Variants in MAN2A1 observed in about 807,000 individuals in gnomAD.
MAN2A1 encodes the protein mannosidase alpha class 2A member 1, also known as alpha-mannosidase 2.
In MAN2A1, 76 loss-of-function variants were observed where a neutral mutation model predicts 142.6. The observed-to-expected ratio is 0.53, with a 90% confidence interval of 0.44 to 0.65. MAN2A1 has a LOEUF of 0.65. Ranked by LOEUF, MAN2A1 falls within the 30% of genes least tolerant of loss-of-function variation. The pLI, the probability that MAN2A1 is intolerant of heterozygous loss-of-function variation, is 0.00. For synonymous variants in MAN2A1, 559 were observed against 473.2 expected (o/e 1.18, Z -2.35); for missense variants, 1,311 against 1,365.1 (o/e 0.96, Z 0.62).
chr5:109,710,260 C>A (rs559942831), intron 1 of MAN2A1, among the ~76,000 whole-genome samples: 141 of 152,164 alleles, frequency 9.3e-4, no homozygotes, highest in African/African-American at 3.1e-3. Flanking sequence ...GAACTAACTC[C>A]TCTAGCTAAT....
chr5:109,789,266 T>A (rs947938214), intron 11 of MAN2A1, among the ~76,000 whole-genome samples, 194 bp from the exon 12 acceptor site: 7 of 151,854 alleles, frequency 4.6e-5, no homozygotes, highest in African/African-American at 1.7e-4. Flanking sequence ...AGAATACTAT[T>A]AAGATGTTAG....
Position 109,762,863 on chromosome 5 carries a change from T to G in MAN2A1, c.836-4672T>G, listed in dbSNP as rs1320863270. ...AACAAATGCAGCTTAAAGATTGAATTGGCTTTATTAAGCAATTCATGAACA... is the reference window on the plus strand; with the variant it reads ...AACAAATGCAGCTTAAAGATTGAATGGGCTTTATTAAGCAATTCATGAACA... On this transcript the variant is annotated intron_variant, in intron 5 of 21. Transcript: ENST00000261483. Among the ~76,000 whole-genome samples, 3 of 152,210 alleles carry G rather than the reference T, an allele frequency of 2.0e-5. No homozygotes were observed. In the East Asian group the frequency reaches 5.8e-4, roughly 29 times the overall value.
intron 21 of MAN2A1, among the ~76,000 whole-genome samples, chr5:109,866,471 A>C (rs1755886440): frequency 6.6e-6 from 1 of 152,088 alleles, no homozygotes; most frequent in Non-Finnish European, 1.5e-5. Flanking sequence ...GATGTTTTTA[A>C]AGCTTCTTGG....
At chr5:109,809,113 A>G (rs1754252007) in intron 12 of MAN2A1, among the ~76,000 whole-genome samples, 1 of 152,178 alleles carries the variant, frequency 6.6e-6, no homozygotes, top group Middle Eastern at 3.2e-3. Context: ...TAAGAAATGT[A>G]TAAAGTATGA....
At chr5:109,697,477 G>T (rs968209438) in intron 1 of MAN2A1, among the ~76,000 whole-genome samples, 3 of 152,188 alleles carry the variant, frequency 2.0e-5, no homozygotes, top group Non-Finnish European at 4.4e-5. Context: ...AAGGCCTCTG[G>T]TTTTGAACTC....
intron 2 of MAN2A1, among the ~76,000 whole-genome samples, chr5:109,714,505 G>A (rs1326461920): frequency 6.6e-6 from 1 of 152,102 alleles, no homozygotes; most frequent in Non-Finnish European, 1.5e-5. Context: ...CTTGGACAGC[G>A]CTATTATAGA....
chr5:109,780,143 G>A (rs913564383), intron 8 of MAN2A1, among the ~76,000 whole-genome samples: 5 of 151,874 alleles, frequency 3.3e-5, no homozygotes, highest in African/African-American at 4.8e-5. Flanking sequence ...CTGCAAGGTC[G>A]GCCTCCTGGG....
At chr5:109,844,302 T>C (rs1755292168) in intron 17 of MAN2A1, among the ~76,000 whole-genome samples, 1 of 152,240 alleles carries the variant, frequency 6.6e-6, no homozygotes, top group South Asian at 2.1e-4. Flanking sequence ...TGACCATTTT[T>C]TAAGCTTTGG....
chr5:109,797,932 A>G (rs1753907339), intron 12 of MAN2A1, among the ~76,000 whole-genome samples: 1 of 152,206 alleles, frequency 6.6e-6, no homozygotes, highest in Admixed American at 6.5e-5. Flanking sequence ...ACATTTTCAG[A>G]TATGAAAACA....
At chr5:109,700,112 TTCTG>T (rs1441266634) in intron 1 of MAN2A1, among the ~76,000 whole-genome samples, 6 of 152,152 alleles carry the variant, frequency 3.9e-5, no homozygotes, top group Non-Finnish European at 8.8e-5. Context: ...TTTTTGTTTT[TTCTG>T]TCTATTTCTA....
intron 17 of MAN2A1, among the ~76,000 whole-genome samples, chr5:109,843,609 A>G (rs1028184989): frequency 1.3e-5 from 2 of 152,236 alleles, no homozygotes; most frequent in Admixed American, 6.5e-5. Context: ...ACCATTATAC[A>G]TACACAGACA....
intron 19 of MAN2A1, 101 bp downstream of exon 19, chr5:109,847,891 A>T (rs1755382920): frequency 1.1e-6 from 1 of 881,570 alleles, no homozygotes; most frequent in African/African-American, 1.7e-5. Flanking sequence ...AATCATTTCC[A>T]ATATTGAGAT....
At chr5:109,803,799 G>T (rs1411560996) in intron 12 of MAN2A1, among the ~76,000 whole-genome samples, 2 of 152,062 alleles carry the variant, frequency 1.3e-5, no homozygotes, top group Non-Finnish European at 2.9e-5. Flanking sequence ...GAATGATTCT[G>T]TTTTGCTATT....
chr5:109,849,549 T>G (rs1209526512), intron 19 of MAN2A1, among the ~76,000 whole-genome samples: 4 of 152,150 alleles, frequency 2.6e-5, no homozygotes, highest in Non-Finnish European at 5.9e-5. Context: ...ATCACCTATC[T>G]ATCTCATTGC....
chr5:109,840,578 CT>C, intron 16 of MAN2A1: 1 of 505,230 alleles, frequency 2.0e-6, no homozygotes, highest in Non-Finnish European at 3.9e-6. Flanking sequence ...TCTTTGTTTC[CT>C]TAACAACAGG....
At chr5:109,776,633 TAGA>T (rs1414727392) in intron 8 of MAN2A1, among the ~76,000 whole-genome samples, 4 of 152,140 alleles carry the variant, frequency 2.6e-5, no homozygotes, top group East Asian at 3.8e-4. Context: ...GCCACATACA[TAGA>T]AGAAGTGGAC....
At chr5:109,717,236 A>AT (rs572691090) in intron 3 of MAN2A1, among the ~76,000 whole-genome samples, 2 of 151,764 alleles carry the variant, frequency 1.3e-5, no homozygotes, top group Non-Finnish European at 2.9e-5. Context: ...TTCTACTTAC[A>AT]TTTTTTCCCC....
At chr5:109,832,480 AG>A (rs1241111707) in intron 16 of MAN2A1, among the ~76,000 whole-genome samples, 1 of 152,134 alleles carries the variant, frequency 6.6e-6, no homozygotes, top group Non-Finnish European at 1.5e-5. Flanking sequence ...TCAGAGAGCA[AG>A]GGGTTGGGGG....
intron 19 of MAN2A1, among the ~76,000 whole-genome samples, chr5:109,851,459 C>G (rs537726213): frequency 1.3e-5 from 2 of 152,184 alleles, no homozygotes; most frequent in Non-Finnish European, 2.9e-5. Flanking sequence ...ATGCCATTAT[C>G]ATCGGAATGG....
Sources: gnomAD v4.1 joint callset for allele counts (sites outside exome capture counted in the v4.1 genomes callset) on GRCh38, gnomAD v4.1.1 for gene constraint, MANE v1.5 for transcripts, NCBI Gene and HGNC (gene_info 2026-07-23, HGNC 2026-07-21) for gene names.